The following MOB3B variants were observed in gnomAD, a reference collection of about 807,000 sequenced individuals.
MOB3B encodes MOB kinase activator-like 2B.
MOB3B carries 7 observed loss-of-function variants against 18.7 expected under a neutral mutation model. The observed-to-expected ratio is 0.37, with a 90% CI of 0.21 to 0.70. The LOEUF is 0.70. MOB3B is among the 30% of genes least tolerant of loss of function. The probability of loss-of-function intolerance (pLI) is 0.52; values close to 1 mark genes in which losing one functional copy is unlikely to be tolerated. For missense variants in MOB3B, 253 were observed against 281.3 expected (o/e 0.90, Z 0.72); for synonymous variants, 111 against 99.9 (o/e 1.11, Z -0.66).
chr9:27,480,884 T>C (rs1373507913), intron 1 of MOB3B, among the ~76,000 whole-genome samples: 1 of 152,118 alleles, frequency 6.6e-6, no homozygotes, highest in African/African-American at 2.4e-5. Context: ...GATAAATATA[T>C]AAGTAAATCA....
At chr9:27,404,347 C>CTTTTTTTTTTTTTTTTTTTTTTTTTT (rs756275032) in intron 2 of MOB3B, among the ~76,000 whole-genome samples, 2 of 75,174 alleles carry the variant, frequency 2.7e-5, no homozygotes, top group African/African-American at 1.1e-4. Flanking sequence ...TTCTTTCTTT[C>CTTTTTTTTTTTTTTTTTTTTTTTTTT]TTTTTTTTTT....
intron 2 of MOB3B, among the ~76,000 whole-genome samples, chr9:27,417,834 C>A (rs7036512): frequency 2.0e-5 from 3 of 152,160 alleles, no homozygotes; most frequent in Admixed American, 1.3e-4. Flanking sequence ...AGGTCGGGGC[C>A]GGTGGATCAC....
At chr9:27,433,498 A>C (rs1822447607) in intron 2 of MOB3B, among the ~76,000 whole-genome samples, 1 of 152,156 alleles carries the variant, frequency 6.6e-6, no homozygotes, top group South Asian at 2.1e-4. Context: ...GAAATGCAAA[A>C]AAATCTTTGA....
chr9:27,521,802 G>C (rs913601405), intron 1 of MOB3B, among the ~76,000 whole-genome samples: 2 of 152,144 alleles, frequency 1.3e-5, no homozygotes, highest in South Asian at 4.1e-4. Context: ...TTGGAACTGA[G>C]CCTTAGGGAG....
intron 2 of MOB3B, among the ~76,000 whole-genome samples, chr9:27,375,514 T>A (rs1158250891): frequency 6.6e-6 from 1 of 152,224 alleles, no homozygotes; most frequent in Non-Finnish European, 1.5e-5. Flanking sequence ...ACATGGACAT[T>A]GCTAAATTCC....
chr9:27,468,798 C>T (rs933372872), intron 1 of MOB3B, among the ~76,000 whole-genome samples: 2 of 152,178 alleles, frequency 1.3e-5, no homozygotes, highest in Non-Finnish European at 2.9e-5. Context: ...ACTAGGCCCC[C>T]ATAATCATAA....
chr9:27,482,487 T>C (rs1239787004), intron 1 of MOB3B, among the ~76,000 whole-genome samples: 2 of 152,288 alleles, frequency 1.3e-5, no homozygotes, highest in South Asian at 2.1e-4. Context: ...ATCCACAACA[T>C]TCACCTTAAG....
rs1820707964 is a variant in MOB3B, at chr9:27,326,105, T to C, written c.*4482A>G. 5.5e-6 allele frequency: 1 copy of C among 181,938 alleles called. No individual in the cohort carries two copies. The highest frequency in any genetic ancestry group is 6.2e-5 in the Admixed American group (1 of 16,130). The allele number at this position is 181,938 out of a possible 1,614,324, so 11.3% of individuals were successfully genotyped here. A position where few individuals can be genotyped will look rare whatever the true frequency, so the allele number is the denominator to read the frequency against. On this transcript the variant is annotated 3_prime_UTR_variant, in exon 4 of 4. Transcript: ENST00000262244. ...CATGGCGATTAAAATAGAAAACCTA[T>C]AAATGTAGAAAAAGCAGGTCTGGAC...
chr9:27,514,339 C>G (rs1587271125), intron 1 of MOB3B, among the ~76,000 whole-genome samples: 1 of 74,352 alleles, frequency 1.3e-5, no homozygotes, highest in South Asian at 5.1e-4. Flanking sequence ...AATAAGACCA[C>G]AAGCTCAAAA....
chr9:27,422,354 G>C (rs533564414), intron 2 of MOB3B, among the ~76,000 whole-genome samples: 2 of 152,104 alleles, frequency 1.3e-5, no homozygotes, highest in Admixed American at 6.5e-5. Flanking sequence ...CAACTTCAAC[G>C]CTTTATTTTT....
chr9:27,493,722 T>C (rs1395701356), intron 1 of MOB3B, among the ~76,000 whole-genome samples: 1 of 152,184 alleles, frequency 6.6e-6, no homozygotes, highest in Non-Finnish European at 1.5e-5. Flanking sequence ...TACTTTAATC[T>C]CTTAATCCTG....
intron 1 of MOB3B, among the ~76,000 whole-genome samples, chr9:27,495,951 C>T: frequency 6.6e-6 from 1 of 152,186 alleles, no homozygotes; most frequent in East Asian, 1.9e-4. Flanking sequence ...CAGTTCCCAG[C>T]ATATCACTAG....
chr9:27,518,617 TCTGGGTGGGAAGTTACTA>T (rs1431089473), intron 1 of MOB3B, among the ~76,000 whole-genome samples: 90 of 152,298 alleles, frequency 5.9e-4, no homozygotes, highest in Non-Finnish European at 6.2e-4. Flanking sequence ...TCAAATTATT[TCTGGGTGGGAAGTTACTA>T]CGTGCATAAT....
At chr9:27,527,222 T>G (rs1820449673) in intron 1 of MOB3B, among the ~76,000 whole-genome samples, 1 of 152,240 alleles carries the variant, frequency 6.6e-6, no homozygotes, top group Non-Finnish European at 1.5e-5. Context: ...TTGTTAATGA[T>G]GCCTTTGGGT....
chr9:27,378,726 A>T (rs534836021), intron 2 of MOB3B: 12 of 469,450 alleles, frequency 2.6e-5, no homozygotes, highest in African/African-American at 2.2e-4. Flanking sequence ...GCATGGGCAG[A>T]GCTGGGCATG....
At chr9:27,371,814 T>A (rs980157399) in intron 2 of MOB3B, among the ~76,000 whole-genome samples, 7 of 150,870 alleles carry the variant, frequency 4.6e-5, no homozygotes, top group Admixed American at 4.0e-4. Flanking sequence ...AGACCTTCTG[T>A]TTTTTTTCAA....
chr9:27,451,199 T>C (rs1350585334), intron 2 of MOB3B, among the ~76,000 whole-genome samples: 2 of 152,092 alleles, frequency 1.3e-5, no homozygotes, highest in Non-Finnish European at 1.5e-5. Flanking sequence ...AGTCAGGCAA[T>C]AGAATTTTTT....
rs549194528 is a variant in MOB3B, at chr9:27,470,096, A to C, written c.-198-14348T>G. 8.8e-5 allele frequency among the ~76,000 whole-genome samples: 11 copies of C among 124,990 alleles called. No homozygotes were observed. The South Asian group carries it at 3.3e-3, about 38-fold the overall frequency. 82.0% of individuals were successfully genotyped at this position (124,990 alleles called of 152,430 possible). A position where few individuals can be genotyped will look rare whatever the true frequency, so the allele number is the denominator to read the frequency against. On this transcript the variant is annotated intron_variant, in intron 1 of 3. Coordinates refer to ENST00000262244, the MANE Select transcript of MOB3B (RefSeq NM_024761.5). The stretch of plus-strand genomic sequence containing the variant: ...TGCATTCCAGCATGGGCACAGAGTG[A>C]GACCCTGTCTCTTAAAAGAAAAAAA...
In MOB3B at chr9:27,464,799, A is replaced by G. The variant is rs544870445; in HGVS notation, c.-198-9051T>C. Among the ~76,000 whole-genome samples the G allele has an allele frequency of 3.9e-5, 6 of 152,136 alleles. No homozygotes were observed. In the South Asian group the frequency reaches 1.2e-3, roughly 32 times the overall value. ...TGGCAGCAGCAAGAGAAAAATGAGGAAGAAGCAAAAAAAGAGACCCCTGAT... is the reference window on the plus strand; with the variant it reads ...TGGCAGCAGCAAGAGAAAAATGAGGGAGAAGCAAAAAAAGAGACCCCTGAT... On this transcript the variant is annotated intron_variant, in intron 1 of 3. Coordinates refer to ENST00000262244, the MANE Select transcript of MOB3B (RefSeq NM_024761.5).
Sources: gnomAD v4.1 joint callset for allele counts (sites outside exome capture counted in the v4.1 genomes callset) on GRCh38, gnomAD v4.1.1 for gene constraint, MANE v1.5 for transcripts, NCBI Gene and HGNC (gene_info 2026-07-23, HGNC 2026-07-21) for gene names.